The following TENM3 variants were observed in gnomAD, a reference collection of about 807,000 sequenced individuals.
TENM3 encodes the protein teneurin transmembrane protein 3, also known as teneurin-3.
Under a neutral mutation model 255.1 loss-of-function variants are expected in TENM3, and 63 were observed. That is an observed-to-expected ratio of 0.25 (90% CI 0.20 to 0.30). The LOEUF is 0.30. TENM3 is among the 10% of genes least tolerant of loss of function. The pLI is 1.00. For missense variants in TENM3, 2,929 were observed against 3,461.1 expected (o/e 0.85, Z 3.86); for synonymous variants, 1,306 against 1,322.3 (o/e 0.99, Z 0.27).
chr4:181,606,020 G>GTTCC, the TENM3 span, among the ~76,000 whole-genome samples: 5,894 of 152,148 alleles, frequency 0.039, 142 homozygotes, highest in Admixed American at 0.07. Flanking sequence ...TCCTTCCTCA[G>GTTCC]TTCCTCATGG....
At chr4:181,586,392 T>A in the TENM3 span, among the ~76,000 whole-genome samples, 1 of 152,128 alleles carries the variant, frequency 6.6e-6, no homozygotes, top group African/African-American at 2.4e-5. Context: ...AACACGTACT[T>A]CACATAACTG....
the TENM3 span, among the ~76,000 whole-genome samples, chr4:181,934,082 G>GCGCA: frequency 6.6e-6 from 1 of 151,424 alleles, no homozygotes; most frequent in Non-Finnish European, 1.5e-5. Context: ...GTGTGCGCGC[G>GCGCA]CTTTTAAATC....
intron 1 of TENM3, among the ~76,000 whole-genome samples, chr4:182,271,544 G>A (rs1759626287): frequency 6.6e-6 from 1 of 152,138 alleles, no homozygotes; most frequent in African/African-American, 2.4e-5. Flanking sequence ...ATTTTGCCTA[G>A]TTTTCACCTG....
At chr4:182,301,680 A>G (rs938901544) in intron 1 of TENM3, among the ~76,000 whole-genome samples, 3 of 152,212 alleles carry the variant, frequency 2.0e-5, no homozygotes, top group African/African-American at 7.2e-5. Context: ...TGCAGATGAC[A>G]TAGTTTTTGT....
intron 13 of TENM3, among the ~76,000 whole-genome samples, chr4:182,718,485 T>G (rs1759391451): frequency 6.6e-6 from 1 of 152,058 alleles, no homozygotes; most frequent in African/African-American, 2.4e-5. Context: ...AAAACTGAAG[T>G]GCTGTCACCA....
the TENM3 span, among the ~76,000 whole-genome samples, chr4:181,481,746 T>G: frequency 1.3e-5 from 2 of 152,166 alleles, no homozygotes; most frequent in African/African-American, 4.8e-5. Context: ...AGCACCTTTA[T>G]TCTGTCTACA....
the TENM3 span, among the ~76,000 whole-genome samples, chr4:181,762,386 T>A: frequency 6.6e-6 from 1 of 152,272 alleles, no homozygotes; most frequent in South Asian, 2.1e-4. Flanking sequence ...CCACCTGGAT[T>A]TCCCCCCTGC....
intron 24 of TENM3, among the ~76,000 whole-genome samples, chr4:182,776,844 C>T (rs181631393): frequency 2.0e-5 from 3 of 152,264 alleles, no homozygotes; most frequent in South Asian, 4.1e-4. Context: ...CTCAGCAAGA[C>T]GTTTTAGAAA....
the TENM3 span, among the ~76,000 whole-genome samples, chr4:182,060,918 T>C: frequency 6.6e-6 from 1 of 152,198 alleles, no homozygotes; most frequent in African/African-American, 2.4e-5. Flanking sequence ...GCACTCGTAA[T>C]ATATGATATT....
chr4:182,668,201 C>T (rs1754884142), intron 6 of TENM3, among the ~76,000 whole-genome samples: 1 of 152,102 alleles, frequency 6.6e-6, no homozygotes, highest in South Asian at 2.1e-4. Flanking sequence ...AAAGAGGCTT[C>T]ACCACCACAA....
chr4:181,635,354 G>A, the TENM3 span, among the ~76,000 whole-genome samples: 1 of 152,178 alleles, frequency 6.6e-6, no homozygotes, highest in Admixed American at 6.5e-5. Flanking sequence ...ACATGGGATT[G>A]AAAGACTAAT....
the TENM3 span, among the ~76,000 whole-genome samples, chr4:181,638,083 C>A: frequency 6.6e-6 from 1 of 152,136 alleles, no homozygotes; most frequent in Non-Finnish European, 1.5e-5. Context: ...TATCCTATTC[C>A]CTTTACCTAG....
At chr4:182,651,789 A>G (rs1365042100) in intron 5 of TENM3, among the ~76,000 whole-genome samples, 1 of 151,598 alleles carries the variant, frequency 6.6e-6, no homozygotes, top group Admixed American at 6.6e-5. Flanking sequence ...TTTAAAATAT[A>G]CAGGGTAGAT....
At chr4:182,626,140 G>T (rs928689513) in intron 4 of TENM3, among the ~76,000 whole-genome samples, 2 of 152,130 alleles carry the variant, frequency 1.3e-5, no homozygotes, top group African/African-American at 2.4e-5. Flanking sequence ...CAGTGATATC[G>T]CTGGAAAAGC....
chr4:181,729,665 T>C, the TENM3 span, among the ~76,000 whole-genome samples: 1 of 152,206 alleles, frequency 6.6e-6, no homozygotes, highest in African/African-American at 2.4e-5. Flanking sequence ...GCAGCTGGTC[T>C]AGGCTGCCAG....
At chr4:182,424,049 A>G (rs1771028743) in intron 3 of TENM3, among the ~76,000 whole-genome samples, 1 of 152,202 alleles carries the variant, frequency 6.6e-6, no homozygotes, top group Admixed American at 6.5e-5. Flanking sequence ...TTTCACTTGT[A>G]ATGAGTATAA....
intron 3 of TENM3, among the ~76,000 whole-genome samples, chr4:182,553,964 T>A (rs1742334798): frequency 6.6e-6 from 1 of 152,202 alleles, no homozygotes; most frequent in African/African-American, 2.4e-5. Flanking sequence ...TGAAATCTAG[T>A]ATTCAGTAAT....
the TENM3 span, among the ~76,000 whole-genome samples, chr4:181,553,930 CTACT>C: frequency 1.3e-5 from 2 of 152,148 alleles, no homozygotes; most frequent in African/African-American, 4.8e-5. Context: ...TCTGAGTTGA[CTACT>C]TTACCCTTCT....
intron 5 of TENM3, among the ~76,000 whole-genome samples, chr4:182,641,806 C>T (rs1025856432): frequency 6.6e-6 from 1 of 152,118 alleles, no homozygotes; most frequent in East Asian, 1.9e-4. Context: ...GGATTACAGG[C>T]GCAAGCCACC....
Sources: gnomAD v4.1 joint callset for allele counts (sites outside exome capture counted in the v4.1 genomes callset) on GRCh38, gnomAD v4.1.1 for gene constraint, MANE v1.5 for transcripts, NCBI Gene and HGNC (gene_info 2026-07-23, HGNC 2026-07-21) for gene names.